CSMD1: variants seen among roughly 807,000 people sequenced by gnomAD.
The protein encoded by CSMD1 is CUB and sushi domain-containing protein 1.
CSMD1 carries 213 observed loss-of-function variants against 417.5 expected under a neutral mutation model. That is an observed-to-expected ratio of 0.51 (90% confidence interval 0.46 to 0.57). The LOEUF is 0.57. CSMD1 is among the 20% of genes least tolerant of loss of function. The pLI is 0.00. For missense variants in CSMD1, 6,923 were observed against 4,529.7 expected, an observed-to-expected ratio of 1.53 and a Z score of -15.17; for synonymous variants, 2,862 against 1,736.8, an observed-to-expected ratio of 1.65 and a Z score of -16.11.
At chr8:4,756,992 G>T (rs1274345827) in intron 1 of CSMD1, among the ~76,000 whole-genome samples, 1 of 152,152 alleles carries the variant, frequency 6.6e-6, no homozygotes, top group Non-Finnish European at 1.5e-5. Context: ...TGCAGATATA[G>T]AATATATTTA....
chr8:4,409,728 T>C (rs1263636934), intron 3 of CSMD1, among the ~76,000 whole-genome samples: 4 of 150,732 alleles, frequency 2.7e-5, no homozygotes, highest in East Asian at 2.0e-4. Context: ...CTTCCCAAGA[T>C]GGCAAAGGAA....
chr8:3,318,230 TATA>T (rs773686682), intron 23 of CSMD1, among the ~76,000 whole-genome samples: 79 of 152,338 alleles, frequency 5.2e-4, no homozygotes, highest in Non-Finnish European at 7.2e-4. Flanking sequence ...AACTTCTTAC[TATA>T]ATGTTTTGCT....
intron 7 of CSMD1, among the ~76,000 whole-genome samples, chr8:3,634,970 C>G (rs1009328822): frequency 6.6e-6 from 1 of 152,008 alleles, no homozygotes; most frequent in African/African-American, 2.4e-5. Flanking sequence ...GCAGGCAACT[C>G]TAACACAATG....
intron 3 of CSMD1, among the ~76,000 whole-genome samples, chr8:4,048,452 G>C (rs576151950): frequency 1.3e-5 from 2 of 152,280 alleles, no homozygotes; most frequent in Admixed American, 6.5e-5. Flanking sequence ...TTCCCAACAA[G>C]ATTCTGCAGT....
intron 3 of CSMD1, among the ~76,000 whole-genome samples, chr8:4,215,896 A>T (rs545073957): frequency 4.1e-4 from 62 of 152,366 alleles, no homozygotes; most frequent in African/African-American, 1.5e-3. Context: ...GGACAAAAAA[A>T]TTAAACAAGA....
chr8:3,871,346 A>G (rs1429251898), intron 5 of CSMD1, among the ~76,000 whole-genome samples: 2 of 152,148 alleles, frequency 1.3e-5, no homozygotes, highest in African/African-American at 2.4e-5. Flanking sequence ...TGATATTGAC[A>G]ACTATTATGT....
At chr8:2,961,989 A>T (rs1803535165) in intron 61 of CSMD1, among the ~76,000 whole-genome samples, 1 of 152,210 alleles carries the variant, frequency 6.6e-6, no homozygotes, top group Non-Finnish European at 1.5e-5. Context: ...TTAGAAAATA[A>T]TCAAGACTAA....
At chr8:4,224,217 T>C (rs1396485552) in intron 3 of CSMD1, among the ~76,000 whole-genome samples, 5 of 80,712 alleles carry the variant, frequency 6.2e-5, no homozygotes, top group African/African-American at 2.5e-4. Context: ...ATCCAAGTCC[T>C]AAAAAGGCCT....
chr8:4,202,029 T>C (rs1192178550), intron 3 of CSMD1, among the ~76,000 whole-genome samples: 1 of 152,178 alleles, frequency 6.6e-6, no homozygotes, highest in Non-Finnish European at 1.5e-5. Flanking sequence ...ACGAGGACAT[T>C]GGAATCTCCC....
chr8:4,162,681 C>T (rs996460452), intron 3 of CSMD1, among the ~76,000 whole-genome samples: 1 of 152,144 alleles, frequency 6.6e-6, no homozygotes, highest in Non-Finnish European at 1.5e-5. Context: ...CACAGAGCCT[C>T]CCCAACTATC....
intron 36 of CSMD1, among the ~76,000 whole-genome samples, chr8:3,182,725 C>T (rs1414084530): frequency 8.3e-6 from 1 of 120,992 alleles, no homozygotes; most frequent in Admixed American, 8.9e-5. Flanking sequence ...GAGAAGGACT[C>T]TGGCTGTCTC....
intron 6 of CSMD1, among the ~76,000 whole-genome samples, chr8:3,714,883 T>C (rs544182329): frequency 1.3e-5 from 2 of 152,364 alleles, no homozygotes; most frequent in South Asian, 4.1e-4. Flanking sequence ...TGAAACATGT[T>C]TTGAACACAA....
At chr8:4,147,973 C>A (rs1399750354) in intron 3 of CSMD1, among the ~76,000 whole-genome samples, 1 of 152,198 alleles carries the variant, frequency 6.6e-6, no homozygotes, top group South Asian at 2.1e-4. Context: ...TGCACCAAAG[C>A]CCTGAGTAGA....
chr8:4,326,583 TTC>T lies in CSMD1; in HGVS notation c.415+93368_415+93369del, dbSNP rs1471077018. Among the ~76,000 whole-genome samples the T allele has an allele frequency of 9.8e-5, 15 of 152,316 alleles. No homozygotes were observed. In the East Asian group the frequency reaches 2.5e-3, roughly 25 times the overall value. On this transcript the variant is annotated intron_variant, in intron 3 of 69. Transcript: ENST00000635120. ...GTGAACGTTAGAAGCAATTCCAAAC[TTC>T]TTTTTCTCTCCTACGGAGAAAACAG...
At chr8:4,958,955 T>C (rs1009982659) in intron 1 of CSMD1, among the ~76,000 whole-genome samples, 2 of 152,152 alleles carry the variant, frequency 1.3e-5, no homozygotes, top group African/African-American at 4.8e-5. Flanking sequence ...CCTTAGGTCT[T>C]GTGAGAATTA....
intron 3 of CSMD1, among the ~76,000 whole-genome samples, chr8:4,185,886 G>A (rs1243993892): frequency 6.6e-6 from 1 of 152,158 alleles, no homozygotes; most frequent in Non-Finnish European, 1.5e-5. Flanking sequence ...CTAAGATCAC[G>A]GCTTTCCTGT....
chr8:4,636,971 C>A (rs186483581), intron 2 of CSMD1, among the ~76,000 whole-genome samples: 4 of 152,170 alleles, frequency 2.6e-5, no homozygotes, highest in Admixed American at 6.5e-5. Flanking sequence ...TCAGCAGGAT[C>A]GTAAAAGTAG....
chr8:4,974,083 C>T (rs910857456), intron 1 of CSMD1, among the ~76,000 whole-genome samples: 2 of 152,134 alleles, frequency 1.3e-5, no homozygotes, highest in Non-Finnish European at 2.9e-5. Flanking sequence ...AGTAGTGGTG[C>T]GATCTTGGCT....
intron 26 of CSMD1, among the ~76,000 whole-genome samples, chr8:3,256,323 A>AAAAAAAGAG (rs1554487841): frequency 4.0e-4 from 55 of 138,022 alleles, no homozygotes; most frequent in Non-Finnish European, 4.7e-4. Flanking sequence ...AAAAAAAAAA[A>AAAAAAAGAG]AAGAGAAGAA....
Sources: gnomAD v4.1 joint callset for allele counts (sites outside exome capture counted in the v4.1 genomes callset) on GRCh38, gnomAD v4.1.1 for gene constraint, MANE v1.5 for transcripts, NCBI Gene and HGNC (gene_info 2026-07-23, HGNC 2026-07-21) for gene names.